The following MAGI2 variants were observed in gnomAD, a reference collection of about 807,000 sequenced individuals.
MAGI2 encodes the protein membrane associated guanylate kinase, WW and PDZ domain containing 2.
In MAGI2, 35 loss-of-function variants were observed where a neutral mutation model predicts 133.3. The ratio of observed to expected loss-of-function variants is 0.26; its 90% CI spans 0.20 to 0.35. The LOEUF (loss-of-function observed/expected upper bound fraction) is 0.35, where lower values mean the gene tolerates loss of function less well. Among genes scored for constraint, MAGI2 ranks in the 10% least tolerant of loss-of-function variants. The pLI, the probability that MAGI2 is intolerant of heterozygous loss-of-function variation, is 1.00. For synonymous variants in MAGI2, 729 were observed against 710.6 expected (o/e 1.03, Z -0.41); for missense variants, 1,636 against 1,863.4 (o/e 0.88, Z 2.25).
intron 9 of MAGI2, among the ~76,000 whole-genome samples, chr7:78,313,560 C>A (rs766948957): frequency 2.7e-5 from 4 of 150,648 alleles, no homozygotes; most frequent in Non-Finnish European, 5.9e-5. Context: ...AAAACAGTTA[C>A]AAACATTAGA....
At chr7:78,912,454 G>A (rs1232945601) in intron 2 of MAGI2, among the ~76,000 whole-genome samples, 2 of 151,960 alleles carry the variant, frequency 1.3e-5, no homozygotes, top group Non-Finnish European at 2.9e-5. Flanking sequence ...AGGTGGGCTG[G>A]GAAAGGCAGA....
chr7:78,979,921 A>C (rs1057386727), intron 2 of MAGI2, among the ~76,000 whole-genome samples: 1 of 151,954 alleles, frequency 6.6e-6, no homozygotes, highest in Non-Finnish European at 1.5e-5. Context: ...TTATTTGAAA[A>C]ATCATAACAC....
chr7:79,184,618 G>C (rs978341464), intron 1 of MAGI2, among the ~76,000 whole-genome samples: 5 of 151,638 alleles, frequency 3.3e-5, no homozygotes, highest in Non-Finnish European at 7.4e-5. Flanking sequence ...ATACAACTTT[G>C]CATAGGAGAA....
At chr7:78,950,853 C>A (rs929753669) in intron 2 of MAGI2, among the ~76,000 whole-genome samples, 12 of 151,768 alleles carry the variant, frequency 7.9e-5, no homozygotes, top group African/African-American at 2.9e-4. Context: ...AGGGAAAAAT[C>A]TATGAATAAA....
At chr7:79,423,544 G>A (rs1847124441) in intron 1 of MAGI2, among the ~76,000 whole-genome samples, 1 of 151,998 alleles carries the variant, frequency 6.6e-6, no homozygotes, top group Admixed American at 6.6e-5. Flanking sequence ...TCTAAGAATA[G>A]TTTTTGTGAG....
intron 3 of MAGI2, among the ~76,000 whole-genome samples, chr7:78,578,514 AGAGG>A (rs1487055942): frequency 6.6e-6 from 1 of 152,210 alleles, no homozygotes; most frequent in Non-Finnish European, 1.5e-5. Context: ...AAAAGGCAAA[AGAGG>A]AAGAACTGAG....
At chr7:78,381,122 G>A (rs1303328905) in intron 6 of MAGI2, among the ~76,000 whole-genome samples, 2 of 152,092 alleles carry the variant, frequency 1.3e-5, no homozygotes, top group Non-Finnish European at 2.9e-5. Context: ...TGAGGCTGGC[G>A]GACCACTTGA....
intron 2 of MAGI2, among the ~76,000 whole-genome samples, chr7:78,746,656 T>A (rs10237620): frequency 0.4 from 60,178 of 152,110 alleles, 12,549 homozygotes; most frequent in Non-Finnish European, 0.47. Context: ...TCCTCATCAT[T>A]TGCATTTGGA....
intron 2 of MAGI2, among the ~76,000 whole-genome samples, chr7:78,899,958 C>A (rs1797495068): frequency 1.3e-5 from 2 of 152,148 alleles, no homozygotes; most frequent in East Asian, 1.9e-4. Flanking sequence ...GTGGAGCCAC[C>A]ATTTAAAATT....
chr7:79,036,068 A>C (rs1464664750), intron 1 of MAGI2, among the ~76,000 whole-genome samples: 1 of 152,208 alleles, frequency 6.6e-6, no homozygotes, highest in African/African-American at 2.4e-5. Context: ...TCAGCAAATA[A>C]ATGATTCAGG....
intron 6 of MAGI2, among the ~76,000 whole-genome samples, chr7:78,472,929 T>C (rs900221707): frequency 4.6e-5 from 7 of 152,072 alleles, no homozygotes; most frequent in African/African-American, 1.7e-4. Flanking sequence ...CGAGGTAGTA[T>C]AGGGGAAAGG....
chr7:79,205,408 A>T (rs1828957579), intron 1 of MAGI2, among the ~76,000 whole-genome samples: 1 of 151,988 alleles, frequency 6.6e-6, no homozygotes, highest in Non-Finnish European at 1.5e-5. Context: ...ATCAGAAATG[A>T]AGGAGACAAA....
At chr7:78,388,538 G>A (rs193256080) in intron 6 of MAGI2, among the ~76,000 whole-genome samples, 126 of 152,252 alleles carry the variant, frequency 8.3e-4, no homozygotes, top group Admixed American at 1.6e-3. Flanking sequence ...TAAGTAGGAG[G>A]AGACTTTATT....
intron 1 of MAGI2, among the ~76,000 whole-genome samples, chr7:79,145,494 AGCATCT>A (rs1224198082): frequency 1.2e-4 from 18 of 152,170 alleles, no homozygotes; most frequent in Non-Finnish European, 8.8e-5. Flanking sequence ...TTTTTGAGCA[AGCATCT>A]GCAAAAAAAG....
chr7:78,456,221 G>A (rs1272493091), intron 6 of MAGI2, among the ~76,000 whole-genome samples: 1 of 152,050 alleles, frequency 6.6e-6, no homozygotes, highest in Non-Finnish European at 1.5e-5. Context: ...TAAAGAGTGA[G>A]TTTTGTTGTT....
chr7:78,307,851 TAGAATG>T (rs1798369098), intron 9 of MAGI2, among the ~76,000 whole-genome samples: 2 of 152,172 alleles, frequency 1.3e-5, no homozygotes, highest in Non-Finnish European at 2.9e-5. Context: ...CAGGAATGAC[TAGAATG>T]AGCAAAGATG....
At chr7:79,422,823 T>C (rs17152485) in intron 1 of MAGI2, among the ~76,000 whole-genome samples, 3,119 of 152,090 alleles carry the variant, frequency 0.021, 118 homozygotes, top group African/African-American at 0.071. Context: ...TGGCAATAAA[T>C]ATAGAATGCC....
intron 7 of MAGI2, among the ~76,000 whole-genome samples, chr7:78,351,204 T>C (rs1388016791): frequency 6.6e-6 from 1 of 152,032 alleles, no homozygotes. Flanking sequence ...AGCTTCACTC[T>C]CCTGTAAAAT....
intron 2 of MAGI2, among the ~76,000 whole-genome samples, chr7:78,679,525 CA>C (rs1347639215): frequency 2.5e-5 from 3 of 119,524 alleles, no homozygotes; most frequent in African/African-American, 1.0e-4. Context: ...CCTAAATGAG[CA>C]CAGCTCTAAC....
Sources: allele counts gnomAD v4.1 joint callset (sites outside exome capture counted in the v4.1 genomes callset), GRCh38; gene constraint gnomAD v4.1.1; transcripts MANE v1.5; gene names NCBI Gene and HGNC (gene_info 2026-07-23, HGNC 2026-07-21).